ELF5: variants seen among roughly 807,000 people sequenced by gnomAD.
The protein encoded by ELF5 is E74 like ETS transcription factor 5.
A neutral mutation model predicts 38.2 loss-of-function variants in ELF5; 31 were observed. That is an observed-to-expected ratio of 0.81 (90% CI 0.61 to 1.10). The LOEUF (loss-of-function observed/expected upper bound fraction) is 1.10. Among genes scored for constraint, ELF5 ranks in the 50% least tolerant of loss-of-function variants. The probability of loss-of-function intolerance (pLI) is 0.00; values close to 1 mark genes in which losing one functional copy is unlikely to be tolerated. For missense variants in ELF5, 300 were observed against 306.6 expected, an observed-to-expected ratio of 0.98 and a Z score of 0.16; for synonymous variants, 121 against 112.5, an observed-to-expected ratio of 1.08 and a Z score of -0.48.
intron 2 of ELF5, among the ~76,000 whole-genome samples, chr11:34,494,015 T>G (rs757847707): frequency 6.6e-6 from 1 of 152,180 alleles, no homozygotes; most frequent in Non-Finnish European, 1.5e-5. Context: ...AAACAGCCCT[T>G]CAGTTATTTG....
At chr11:34,500,436 C>A (rs1266560839) in intron 2 of ELF5, among the ~76,000 whole-genome samples, 1 of 152,194 alleles carries the variant, frequency 6.6e-6, no homozygotes, top group African/African-American at 2.4e-5. Context: ...TCCTGGCTTT[C>A]CAGCATAGCC....
chr11:34,511,939 G>A (rs1384331536), intron 1 of ELF5: 1 of 250,968 alleles, frequency 4.0e-6, no homozygotes, highest in Non-Finnish European at 7.7e-6. Context: ...TCACTGGGCA[G>A]AACTAGGCCA....
intron 1 of ELF5, among the ~76,000 whole-genome samples, chr11:34,511,061 C>T (rs141368423): frequency 9.2e-4 from 140 of 152,288 alleles, no homozygotes; most frequent in African/African-American, 3.2e-3. Context: ...AAAACAGCCC[C>T]CAAGGTCTGC....
chr11:34,493,401 G>C (rs765567340), intron 3 of ELF5, 78 bp downstream of exon 3: 16 of 1,385,826 alleles, frequency 1.2e-5, no homozygotes, highest in Non-Finnish European at 1.5e-5. Flanking sequence ...CAATTCACAC[G>C]ATGGGAAAGG....
At chr11:34,511,877 AAAAATTGG>A in intron 1 of ELF5, 7 of 415,470 alleles carry the variant, frequency 1.7e-5, no homozygotes, top group South Asian at 1.3e-4. Context: ...GCATGTGACC[AAAAATTGG>A]CCCAATTAAG....
rs200848772 is a variant in ELF5 at position 34,493,519 on chromosome 11, G to A, written c.315C>T (p.Gly105=). ...TCTGGAGGATGAAGTACAGGTACTC[G>A]CCGCAGAGGCCAGCTGCCTCGACGA... ...EEFVEAAGLC[G]EYLYFILQNI... is the part of the protein sequence containing the mutation. Residue 105 remains glycine (G), a synonymous_variant, in exon 3 of 7, where the codon GGC becomes GGT. Transcript: ENST00000257832. 6.8e-6 allele frequency: 11 copies of A among 1,614,100 alleles called. No individual in the cohort carries two copies. Among genetic ancestry groups the A allele is most frequent in the South Asian group, 2.2e-5 (2 of 91,074 alleles).
At chr11:34,492,993 A>C in intron 3 of ELF5, 1 of 183,522 alleles carries the variant, frequency 5.4e-6, no homozygotes, top group Admixed American at 5.3e-5. Context: ...AGGCCTGTTG[A>C]AGAGTTAAAT....
At chr11:34,484,691 G>A (rs755749549) in intron 4 of ELF5, among the ~76,000 whole-genome samples, 2 of 152,072 alleles carry the variant, frequency 1.3e-5, no homozygotes, top group Non-Finnish European at 2.9e-5. Flanking sequence ...TCCTGCAGTG[G>A]TTCCCCATTT....
intron 4 of ELF5, among the ~76,000 whole-genome samples, chr11:34,488,012 T>G (rs576576584): frequency 1.3e-5 from 2 of 152,184 alleles, no homozygotes; most frequent in East Asian, 1.9e-4. Context: ...TTCTTCTCTC[T>G]CTTTTCCTGG....
intron 2 of ELF5, among the ~76,000 whole-genome samples, chr11:34,500,612 A>T (rs1850441128): frequency 6.6e-6 from 1 of 152,238 alleles, no homozygotes; most frequent in Non-Finnish European, 1.5e-5. Context: ...GGCCATGGCC[A>T]CCCAGAAGGC....
chr11:34,497,561 G>A (rs1178039425), intron 2 of ELF5, among the ~76,000 whole-genome samples: 1 of 152,210 alleles, frequency 6.6e-6, no homozygotes, highest in Non-Finnish European at 1.5e-5. Context: ...AGCTTTCAGA[G>A]CTGGGTGGGT....
chr11:34,501,619 A>T (rs1850471583), intron 2 of ELF5, among the ~76,000 whole-genome samples: 1 of 152,122 alleles, frequency 6.6e-6, no homozygotes, highest in Admixed American at 6.5e-5. Flanking sequence ...ATTTTCCAGT[A>T]GTCATCGTTC....
chr11:34,480,142 C>A lies in ELF5; in HGVS notation c.*76G>T. On this transcript the variant is annotated 3_prime_UTR_variant, in exon 7 of 7. Coordinates refer to ENST00000257832, the MANE Select transcript of ELF5 (RefSeq NM_001422.4). Reference sequence around the variant, plus strand: ...TAAAAAAAAAGAGAAGAAAATGAAGCCTTTCGAATGTCTATTGCAATCTGA... The same window carrying A: ...TAAAAAAAAAGAGAAGAAAATGAAGACTTTCGAATGTCTATTGCAATCTGA... 1.7e-6 allele frequency: 2 copies of A among 1,185,512 alleles called. No homozygotes were observed. The highest frequency in any genetic ancestry group is 1.3e-5 in the South Asian group (1 of 74,866). 73.4% of individuals were successfully genotyped at this position (1,185,512 alleles called of 1,614,324 possible). A position where few individuals can be genotyped will look rare whatever the true frequency, so the allele number is the denominator to read the frequency against.
At chr11:34,483,890 T>C (rs910979402) in intron 4 of ELF5, among the ~76,000 whole-genome samples, 1 of 142,790 alleles carries the variant, frequency 7.0e-6, no homozygotes, top group African/African-American at 2.6e-5. Flanking sequence ...ACTAACACCA[T>C]ACTACAGTGT....
intron 5 of ELF5, 140 bp downstream of exon 5, chr11:34,482,291 A>G: frequency 1.3e-6 from 1 of 755,508 alleles, no homozygotes; most frequent in Non-Finnish European, 2.2e-6. Flanking sequence ...TATAAAAGCA[A>G]TCACTGATTT....
chr11:34,495,252 G>T (rs559151138), intron 2 of ELF5, among the ~76,000 whole-genome samples: 158 of 152,350 alleles, frequency 1.0e-3, no homozygotes, highest in African/African-American at 3.8e-3. Context: ...AGAGCAGAGA[G>T]TGGCTAAGGT....
At chr11:34,512,963 T>G (rs1174643316) in intron 1 of ELF5, among the ~76,000 whole-genome samples, 1 of 152,254 alleles carries the variant, frequency 6.6e-6, no homozygotes, top group South Asian at 2.1e-4. Flanking sequence ...TGACACACTT[T>G]CGGGCGTACA....
chr11:34,484,482 A>ACTATCCTATCCTATC (rs769315692), intron 4 of ELF5, among the ~76,000 whole-genome samples: 123 of 21,224 alleles, frequency 5.8e-3, no homozygotes, highest in South Asian at 0.02. Context: ...CACTATACTA[A>ACTATCCTATCCTATC]CTATACTATA....
At chr11:34,486,141 T>C (rs1002417109) in intron 4 of ELF5, among the ~76,000 whole-genome samples, 3 of 152,082 alleles carry the variant, frequency 2.0e-5, no homozygotes, top group Non-Finnish European at 2.9e-5. Context: ...GAAACAAGTT[T>C]ATCGTATCCC....
Sources: gnomAD v4.1 joint callset for allele counts (sites outside exome capture counted in the v4.1 genomes callset) on GRCh38, gnomAD v4.1.1 for gene constraint, MANE v1.5 for transcripts, NCBI Gene and HGNC (gene_info 2026-07-23, HGNC 2026-07-21) for gene names.